Variants in KLHL10 observed in about 807,000 individuals in gnomAD.
The protein encoded by KLHL10 is kelch-like protein 10.
A neutral mutation model predicts 46.6 loss-of-function variants in KLHL10; 11 were observed. The ratio of observed to expected loss-of-function variants is 0.24; its 90% CI spans 0.15 to 0.39. The LOEUF (loss-of-function observed/expected upper bound fraction) is 0.39, where lower values mean the gene tolerates loss of function less well. Among genes scored for constraint, KLHL10 ranks in the 10% least tolerant of loss-of-function variants. The pLI is 1.00. For synonymous variants in KLHL10, 254 were observed against 279.1 expected (o/e 0.91, Z 0.90); for missense variants, 475 against 789.8 (o/e 0.60, Z 4.78).
At position 41,845,461 on chromosome 17, in the gene KLHL10, T is replaced by TAGC; in HGVS notation, c.1020_1021insAGC (p.Tyr340_Val341insSer). 2 of 1,614,242 alleles carry TAGC rather than the reference T, an allele frequency of 1.2e-6. No individual in the cohort carries two copies. Among genetic ancestry groups the TAGC allele is most frequent in the Non-Finnish European group, 1.7e-6 (2 of 1,180,040 alleles). ...ATGGGGCAGCCTATTTGAAAGGCTA[T>TAGC]GTGTATATCATTGGGGGGTTTGATA... On this transcript the variant is annotated inframe_insertion, in exon 3 of 5. Coordinates refer to ENST00000293303, the MANE Select transcript of KLHL10 (RefSeq NM_152467.5).
chr17:41,836,653 T>C (rs1295854896), upstream of KLHL10, among the ~76,000 whole-genome samples: 1 of 151,818 alleles, frequency 6.6e-6, no homozygotes, highest in Admixed American at 6.6e-5. Context: ...CGAAACCCTG[T>C]CTCTACAAAA....
At position 41,842,001 on chromosome 17, in the gene KLHL10, G is replaced by A. The variant is rs782132199; in HGVS notation, c.373G>A (p.Val125Ile). 28 of 1,614,024 alleles carry A rather than the reference G, an allele frequency of 1.7e-5. No individual in the cohort carries two copies. The South Asian group carries it at 2.0e-4, about 11-fold the overall frequency. ...AADQFNIMGI[V>I]RGCCEFLKSE... is the part of the protein sequence containing the mutation. ...AGACCAGTTTAACATCATGGGTATC[G>A]TCAGGGGTTGCTGCGAGTTCCTCAA... The change falls in exon 2 of 5, where the codon GTC (valine) becomes ATC (isoleucine). Residue 125 changes from valine (V) to isoleucine (I), a missense_variant. Coordinates refer to ENST00000293303, the MANE Select transcript of KLHL10 (RefSeq NM_152467.5).
chr17:41,840,580 G>A (rs962375952), intron 1 of KLHL10, among the ~76,000 whole-genome samples: 2 of 149,492 alleles, frequency 1.3e-5, no homozygotes, highest in South Asian at 2.1e-4. Flanking sequence ...GGAGGCAGAG[G>A]TTGCACTGAG....
intron 3 of KLHL10, 134 bp from the exon 4 acceptor site, chr17:41,847,127 A>G (rs1212240069): frequency 1.3e-6 from 1 of 765,500 alleles, no homozygotes; most frequent in Non-Finnish European, 2.3e-6. Context: ...AATAAAAAGC[A>G]ATGCATGCAC....
At chr17:41,837,148 G>A (rs1330674878), upstream of KLHL10, among the ~76,000 whole-genome samples, 2 of 152,176 alleles carry the variant, frequency 1.3e-5, no homozygotes, top group African/African-American at 4.8e-5. Context: ...GTGAGAGAGC[G>A]AGACCCGTCC....
chr17:41,836,579 T>C, upstream of KLHL10: 1 of 414,152 alleles, frequency 2.4e-6, no homozygotes, highest in South Asian at 1.0e-4. Context: ...TCCCAGGACT[T>C]TGGGAGGCCG....
At chr17:41,847,870 G>C in intron 4 of KLHL10, 63 bp from the exon 5 acceptor site, 1 of 1,604,532 alleles carries the variant, frequency 6.2e-7, no homozygotes, top group South Asian at 1.1e-5. Context: ...CCCCCAACAA[G>C]GGCTTCCTCA....
intron 4 of KLHL10, 97 bp from the exon 5 acceptor site, chr17:41,847,836 G>A (rs1326850642): frequency 6.6e-5 from 99 of 1,496,804 alleles, no homozygotes; most frequent in Non-Finnish European, 8.7e-5. Flanking sequence ...GATAATGGAA[G>A]AGGGAGTTAT....
chr17:41,840,231 A>G lies in KLHL10; in HGVS notation c.195-1592A>G, dbSNP rs572602156. Among the ~76,000 whole-genome samples, 4 of 152,398 alleles carry G rather than the reference A, an allele frequency of 2.6e-5. No homozygotes were observed. The East Asian group carries it at 7.7e-4, about 29-fold the overall frequency. ...TTATACTGCAAAAGCAGCCTTAGAC[A>G]ATACTAAATGAATGGGTGTGGCTGT... On this transcript the variant is annotated intron_variant, in intron 1 of 4. Transcript: ENST00000293303.
At chr17:41,844,912 T>C (rs1555621128) in intron 2 of KLHL10, among the ~76,000 whole-genome samples, 2 of 152,262 alleles carry the variant, frequency 1.3e-5, no homozygotes, top group East Asian at 3.9e-4. Context: ...CTCAAACTCC[T>C]GGCCTCAAGT....
chr17:41,843,169 T>C (rs945135419), intron 2 of KLHL10, among the ~76,000 whole-genome samples: 4 of 151,750 alleles, frequency 2.6e-5, no homozygotes, highest in African/African-American at 7.3e-5. Context: ...TCCTTTCAGC[T>C]TTTTTCCTTT....
intron 4 of KLHL10, 121 bp downstream of exon 4, chr17:41,847,531 A>T: frequency 8.5e-7 from 1 of 1,170,710 alleles, no homozygotes; most frequent in Non-Finnish European, 1.2e-6. Context: ...TTTGAGATGG[A>T]GTCTCGCTCT....
Position 41,848,320 on chromosome 17 carries a change from A to G in KLHL10, c.*13A>G. The G allele has an allele frequency of 6.2e-7, 1 of 1,604,642 alleles. No homozygotes were observed. The highest frequency in any genetic ancestry group is 8.5e-7 in the Non-Finnish European group (1 of 1,179,316). ...CCTACCTGTATGAGCCTCTTCATTT[A>G]GCTAATAAAAAGTCTAAGCAATAAG... On this transcript the variant is annotated 3_prime_UTR_variant, in exon 5 of 5. Coordinates refer to ENST00000293303, the MANE Select transcript of KLHL10 (RefSeq NM_152467.5).
chr17:41,847,600 G>A (rs1461011120), intron 4 of KLHL10, among the ~76,000 whole-genome samples, 190 bp downstream of exon 4: 1 of 151,944 alleles, frequency 6.6e-6, no homozygotes, highest in African/African-American at 2.4e-5. Context: ...CTGCCTCCCG[G>A]GTTCATGCCA....
At position 41,843,437 on chromosome 17, in the gene KLHL10, G is replaced by A. The variant is rs150183379; in HGVS notation, c.684+1125G>A. Among the ~76,000 whole-genome samples the A allele has an allele frequency of 2.2e-4, 33 of 151,880 alleles. No homozygotes were observed. In the East Asian group the frequency reaches 5.1e-3, roughly 23 times the overall value. ...GGAGAATAACTTGAACTCAGGAGGC[G>A]GAGGCTGCAGTGAGCCCAGATCGCA... On this transcript the variant is annotated intron_variant, in intron 2 of 4. Coordinates refer to ENST00000293303, the MANE Select transcript of KLHL10 (RefSeq NM_152467.5).
chr17:41,842,343 A>T, intron 2 of KLHL10, 31 bp downstream of exon 2: 1 of 1,612,994 alleles, frequency 6.2e-7, no homozygotes, highest in Non-Finnish European at 8.5e-7. Context: ...CATTTATCAC[A>T]GAGAGATTGT....
At chr17:41,836,130 CG>C (rs2048153997), upstream of KLHL10, 2 of 1,320,932 alleles carry the variant, frequency 1.5e-6, no homozygotes, top group Non-Finnish European at 9.6e-7. Context: ...CGAAGCGCCC[CG>C]GGGGTCGGAG....
chr17:41,841,599 C>T (rs1473503424), intron 1 of KLHL10, among the ~76,000 whole-genome samples: 3 of 152,210 alleles, frequency 2.0e-5, no homozygotes, highest in Non-Finnish European at 2.9e-5. Context: ...AGGCGTGAGC[C>T]ACCACGCCTG....
Position 41,848,009 on chromosome 17 carries a change from T to C in KLHL10, c.1529T>C (p.Ile510Thr). 6.2e-7 allele frequency: 1 copy of C among 1,614,214 alleles called. No homozygotes were observed. Among genetic ancestry groups the C allele is most frequent in the Middle Eastern group, 1.7e-4 (1 of 6,060 alleles). Residue 510 changes from isoleucine to threonine, a missense_variant, in exon 5 of 5, where the codon ATC becomes ACC. Transcript: ENST00000293303. ...YSPVANTWRT[I>T]PTMFNPRSNF... ...CCTGTGGCTAACACTTGGCGCACAA[T>C]CCCCACTATGTTTAATCCTCGTAGC...
Sources: allele counts gnomAD v4.1 joint callset (sites outside exome capture counted in the v4.1 genomes callset), GRCh38; gene constraint gnomAD v4.1.1; transcripts MANE v1.5; gene names NCBI Gene and HGNC (gene_info 2026-07-23, HGNC 2026-07-21).